COL12A1: variants seen among roughly 807,000 people sequenced by gnomAD.
The protein encoded by COL12A1 is collagen alpha-1(XII) chain.
COL12A1 carries 114 observed loss-of-function variants against 349.7 expected under a neutral mutation model. The observed-to-expected ratio is 0.33, with a 90% CI of 0.28 to 0.38. COL12A1 has a LOEUF of 0.38. Ranked by LOEUF, COL12A1 falls within the 10% of genes least tolerant of loss-of-function variation. The probability of loss-of-function intolerance (pLI) is 1.00; values close to 1 mark genes in which losing one functional copy is unlikely to be tolerated. For synonymous variants in COL12A1, 1,369 were observed against 1,329.0 expected (o/e 1.03, Z -0.66); for missense variants, 3,284 against 3,756.9 (o/e 0.87, Z 3.29).
Position 75,183,885 on chromosome 6 carries a change from C to A in COL12A1, c.1257G>T (p.Met419Ile). The A allele has an allele frequency of 6.2e-7, 1 of 1,614,178 alleles. No individual in the cohort carries two copies. The highest frequency in any genetic ancestry group is 8.5e-7 in the Non-Finnish European group (1 of 1,180,014). The stretch of plus-strand genomic sequence containing the variant: ...GAACTTTCATTGGCTGAGTCTTCTC[C>A]ATTATTGAAATGGGTTCACTGGATG... ...GMTSSEPISIMEKTQPMKVQV... is the reference protein window; with the variant it reads ...GMTSSEPISIIEKTQPMKVQV... Residue 419 changes from methionine to isoleucine, a missense_variant, in exon 9 of 66, where the codon ATG becomes ATT. Met to Ile is a conservative substitution (Grantham distance 10, BLOSUM62 1). Transcript: ENST00000322507.
intron 20 of COL12A1, 67 bp from the exon 21 acceptor site, chr6:75,151,354 G>A: frequency 6.9e-7 from 1 of 1,449,294 alleles, no homozygotes; most frequent in East Asian, 2.3e-5. Flanking sequence ...TGAAGCAAAT[G>A]ATTTACGGCT....
intron 14 of COL12A1, 138 bp downstream of exon 14, chr6:75,165,369 C>A (rs1235171580): frequency 4.1e-6 from 5 of 1,209,148 alleles, no homozygotes; most frequent in Admixed American, 2.4e-5. Context: ...AAGCCAAATT[C>A]TTTAAAGATC....
chr6:75,175,050 T>C lies in COL12A1; in HGVS notation c.2698A>G (p.Thr900Ala). 1 of 1,614,064 alleles carries C rather than the reference T, an allele frequency of 6.2e-7. No individual in the cohort carries two copies. Among genetic ancestry groups the C allele is most frequent in the Non-Finnish European group, 8.5e-7 (1 of 1,179,988 alleles). The change falls in exon 13 of 66, where the codon ACA (threonine) becomes GCA (alanine). Residue 900 changes from threonine (T) to alanine (A), a missense_variant. Thr to Ala is a moderately conservative substitution (Grantham distance 58, BLOSUM62 0). Transcript: ENST00000322507. Reference sequence around the variant, plus strand: ...TGATGGTAATTACCTTCAAGTGTTGTTCCTTCACCAAAGAGGGCGTCTCCA... The same window carrying C: ...TGATGGTAATTACCTTCAAGTGTTGCTCCTTCACCAAAGAGGGCGTCTCCA... ...GAGDALFGEG[T>A]TLEERGSPQD...
At chr6:75,170,340 A>T (rs577817235) in intron 13 of COL12A1, among the ~76,000 whole-genome samples, 1 of 152,350 alleles carries the variant, frequency 6.6e-6, no homozygotes, top group Non-Finnish European at 1.5e-5. Context: ...TGTCTTTTCC[A>T]TTAGAGCTCA....
chr6:75,108,902 A>T (rs1051856904), intron 52 of COL12A1, 116 bp downstream of exon 52: 2 of 1,103,100 alleles, frequency 1.8e-6, no homozygotes, highest in Non-Finnish European at 2.6e-6. Context: ...AAGAAATTTG[A>T]CAACTTAAAA....
At position 75,177,668 on chromosome 6, in the gene COL12A1, T is replaced by C; in HGVS notation, c.2432A>G (p.Glu811Gly). Residue 811 changes from glutamate to glycine, a missense_variant, in exon 12 of 66, where the codon GAA becomes GGA. Physicochemically the swap from Glu to Gly is moderately conservative, Grantham distance 98. Transcript: ENST00000322507. ...GATAAGCATATTTCCTCTACCTTCT[T>C]CAGTGGCTGCATTTCCAGTTAATGG... is the stretch of plus-strand genomic sequence containing the variant. Reference protein sequence around the residue: ...GTPLTGNAATEEVRGNPRDLR... With the variant: ...GTPLTGNAATGEVRGNPRDLR... The C allele has an allele frequency of 1.2e-6, 2 of 1,614,130 alleles. No homozygotes were observed. Among genetic ancestry groups the C allele is most frequent in the Non-Finnish European group, 1.7e-6 (2 of 1,180,008 alleles).
Position 75,151,241 on chromosome 6 carries a change from A to T in COL12A1, c.4047T>A (p.Asp1349Glu), listed in dbSNP as rs770184391. 2 of 1,613,370 alleles carry T rather than the reference A, an allele frequency of 1.2e-6. No individual in the cohort carries two copies. The highest frequency in any genetic ancestry group is 2.2e-5 in the East Asian group (1 of 44,874). Reference protein sequence around the residue: ...DEVELKMIATDPDDTHAYNVA... With the variant: ...DEVELKMIATEPDDTHAYNVA... ...CATTGTATGCATGGGTATCATCAGG[A>T]TCAGTTGCAATCATCTTTAATTCGA... is the stretch of plus-strand genomic sequence containing the variant. Residue 1349 changes from aspartate to glutamate, a missense_variant, in exon 21 of 66, where the codon GAT (aspartate) becomes GAA (glutamate). Asp to Glu is a conservative substitution (Grantham distance 45). Around this residue, in one of 2 missense-constraint regions of COL12A1, gnomAD observed 2,601 missense variants for 2,824.8 expected, o/e 0.92. Coordinates refer to ENST00000322507, the MANE Select transcript of COL12A1 (RefSeq NM_004370.6).
rs747884941 is a variant in COL12A1 at position 75,091,305 on chromosome 6, A to G, written c.8752+18T>C. 33 of 1,607,246 alleles carry G rather than the reference A, an allele frequency of 2.1e-5. No homozygotes were observed. In the South Asian group the frequency reaches 3.7e-4, roughly 18 times the overall value. ...AATTTTAAAACAATTCATACAGTAA[A>G]AAGAAAAGAAATTTTACCACTTATC... On this transcript the variant is annotated intron_variant, in intron 62 of 65. Transcript: ENST00000322507.
chr6:75,190,001 A>T (rs1020157742), intron 5 of COL12A1, among the ~76,000 whole-genome samples, 186 bp from the exon 6 acceptor site: 1 of 152,030 alleles, frequency 6.6e-6, no homozygotes, highest in Non-Finnish European at 1.5e-5. Flanking sequence ...AGCATTTTCA[A>T]TGCCTTTATC....
At chr6:75,087,811 CAAT>C in intron 64 of COL12A1, 64 bp from the exon 65 acceptor site, 1 of 1,516,600 alleles carries the variant, frequency 6.6e-7, no homozygotes, top group Non-Finnish European at 9.0e-7. Flanking sequence ...AGGTAGCCAC[CAAT>C]ACTTTAAGTG....
chr6:75,102,409 C>T (rs1391502563), intron 56 of COL12A1, among the ~76,000 whole-genome samples, 188 bp downstream of exon 56: 1 of 151,708 alleles, frequency 6.6e-6, no homozygotes, highest in East Asian at 1.9e-4. Flanking sequence ...TTTTTCTACA[C>T]AGTTTTATAT....
chr6:75,173,853 T>A (rs1429175985), intron 13 of COL12A1, among the ~76,000 whole-genome samples: 1 of 152,178 alleles, frequency 6.6e-6, no homozygotes, highest in Non-Finnish European at 1.5e-5. Context: ...GATTTCATAT[T>A]AGAAGATACT....
intron 43 of COL12A1, among the ~76,000 whole-genome samples, chr6:75,122,759 T>A (rs2149371606): frequency 6.6e-6 from 1 of 152,348 alleles, no homozygotes; most frequent in African/African-American, 2.4e-5. Context: ...AATACAGTAG[T>A]TATTTAACTA....
At chr6:75,135,411 C>T (rs1264108079) in intron 31 of COL12A1, among the ~76,000 whole-genome samples, 4 of 152,166 alleles carry the variant, frequency 2.6e-5, no homozygotes, top group African/African-American at 9.7e-5. Context: ...AGGCCACACT[C>T]AATCAGGGGT....
chr6:75,101,570 C>A, intron 58 of COL12A1, 30 bp downstream of exon 58: 2 of 1,600,588 alleles, frequency 1.2e-6, no homozygotes, highest in Non-Finnish European at 1.7e-6. Flanking sequence ...TCATTTCCAA[C>A]ATCATTGTAG....
intron 40 of COL12A1, 73 bp downstream of exon 40, chr6:75,125,054 G>T (rs1765945984): frequency 1.4e-6 from 2 of 1,415,566 alleles, no homozygotes; most frequent in African/African-American, 2.9e-5. Context: ...TCAGAAACAG[G>T]AAATTAAAAC....
intron 58 of COL12A1, 135 bp downstream of exon 58, chr6:75,101,465 T>C: frequency 2.5e-6 from 2 of 784,468 alleles, no homozygotes; most frequent in Non-Finnish European, 4.0e-6. Flanking sequence ...TCCACTGACA[T>C]TAGCTTTGCA....
In COL12A1 at chr6:75,128,666, A is replaced by T. The variant is rs9443157; in HGVS notation, c.6211-241T>A. Among the ~76,000 whole-genome samples, 90,757 of 152,010 alleles carry T rather than the reference A, an allele frequency of 0.6. 28,200 individuals are homozygous for T. The highest frequency in any genetic ancestry group is 0.72 in the South Asian group (3,465 of 4,818). ...AGATCAGCCACTTAACAGCCACGTG[A>T]CTTAACATCTTTGAAGAAAACTGTA... On this transcript the variant is annotated intron_variant, in intron 37 of 65. Transcript: ENST00000322507.
At chr6:75,119,261 T>A (rs1769236854) in intron 45 of COL12A1, 75 bp from the exon 46 acceptor site, 1 of 1,610,108 alleles carries the variant, frequency 6.2e-7, no homozygotes, top group African/African-American at 1.3e-5. Context: ...CACACCCAAC[T>A]GATAAGAATC....
Sources: allele counts gnomAD v4.1 joint callset (sites outside exome capture counted in the v4.1 genomes callset), GRCh38; gene constraint gnomAD v4.1.1; regional missense constraint gnomAD v4.1.1; transcripts MANE v1.5; gene names NCBI Gene and HGNC (gene_info 2026-07-23, HGNC 2026-07-21).